The following AK9 variants were observed in gnomAD, a reference collection of about 807,000 sequenced individuals.
AK9 encodes adenylate kinase domain containing 1.
In AK9, 191 loss-of-function variants were observed where a neutral mutation model predicts 239.6. The observed-to-expected ratio is 0.80, with a 90% CI of 0.71 to 0.90. The LOEUF (loss-of-function observed/expected upper bound fraction) is 0.90. Ranked by LOEUF, AK9 falls within the 40% of genes least tolerant of loss-of-function variation. AK9 has a pLI of 0.00. For synonymous variants in AK9, 689 were observed against 721.0 expected (o/e 0.96, Z 0.71); for missense variants, 1,995 against 2,214.7 (o/e 0.90, Z 1.99).
intron 35 of AK9, among the ~76,000 whole-genome samples, chr6:109,502,315 A>T (rs931157982): frequency 3.9e-5 from 6 of 152,240 alleles, no homozygotes; most frequent in Non-Finnish European, 5.9e-5. Context: ...AAATAGGGTC[A>T]GAGAAATACA....
intron 21 of AK9, among the ~76,000 whole-genome samples, chr6:109,570,849 C>G (rs1248190885): frequency 6.6e-6 from 1 of 152,004 alleles, no homozygotes; most frequent in East Asian, 1.9e-4. Context: ...CAATGAATTC[C>G]CGGGTAAATC....
chr6:109,686,131 C>G (rs1376467309), intron 1 of AK9, among the ~76,000 whole-genome samples: 1 of 152,174 alleles, frequency 6.6e-6, no homozygotes, highest in Non-Finnish European at 1.5e-5. Context: ...CAGTCTTACC[C>G]AAGGACTCTC....
At chr6:109,579,768 T>A (rs908679350) in intron 19 of AK9, 142 bp from the exon 20 acceptor site, 31 of 713,340 alleles carry the variant, frequency 4.3e-5, no homozygotes, top group Admixed American at 2.3e-4. Flanking sequence ...AAATTACTCA[T>A]GTTGAGACTA....
At chr6:109,566,230 G>C (rs1786496187) in intron 21 of AK9, among the ~76,000 whole-genome samples, 1 of 152,224 alleles carries the variant, frequency 6.6e-6, no homozygotes. Flanking sequence ...TAAGTGAAAA[G>C]TACACGTGTG....
chr6:109,530,783 C>T (rs1403383909), intron 28 of AK9, among the ~76,000 whole-genome samples: 1 of 152,150 alleles, frequency 6.6e-6, no homozygotes, highest in African/African-American at 2.4e-5. Flanking sequence ...GTTTAACTCA[C>T]GTAATATCAC....
At chr6:109,665,466 C>G (rs966063932) in intron 5 of AK9, among the ~76,000 whole-genome samples, 54 of 151,992 alleles carry the variant, frequency 3.6e-4, no homozygotes, top group African/African-American at 1.3e-3. Flanking sequence ...CCTGCCTCTT[C>G]TTGTTGTTCT....
chr6:109,671,083 A>G (rs1770815009), intron 5 of AK9, among the ~76,000 whole-genome samples: 1 of 152,206 alleles, frequency 6.6e-6, no homozygotes, highest in African/African-American at 2.4e-5. Flanking sequence ...CTTTTTGTCT[A>G]TAGATAGAAA....
chr6:109,690,545 G>A (rs1774209868), intron 1 of AK9: 1 of 151,836 alleles, frequency 6.6e-6, no homozygotes, highest in South Asian at 2.1e-4. Context: ...GCGGTTGCCG[G>A]GGAGACCTCT....
intron 9 of AK9, among the ~76,000 whole-genome samples, chr6:109,641,903 T>C (rs762995674): frequency 6.6e-6 from 1 of 152,186 alleles, no homozygotes; most frequent in Non-Finnish European, 1.5e-5. Context: ...GTCACATTCA[T>C]AGGTATTGGA....
In AK9 at chr6:109,493,425, C is replaced by A. The variant is rs1180543268; in HGVS notation, c.5680G>T (p.Asp1894Tyr). ...KEPQFRAIDF[D>Y]HKLKTFLSLR... ...GAGAGAAAGGTCTTTAACTTATGAT[C>A]AAAGTCAATGGCTCTGAACTGAGGT... is the stretch of plus-strand genomic sequence containing the variant. Residue 1894 changes from aspartate to tyrosine, a missense_variant, in exon 41 of 41, where the codon GAT (aspartate) becomes TAT (tyrosine). By Grantham distance (160) the Asp-to-Tyr change is radical. Transcript: ENST00000424296. 6.2e-7 allele frequency: 1 copy of A among 1,614,134 alleles called. No individual in the cohort carries two copies. The highest frequency in any genetic ancestry group is 1.3e-5 in the African/African-American group (1 of 75,046).
At chr6:109,499,394 C>A (rs1777379157) in intron 35 of AK9, among the ~76,000 whole-genome samples, 154 bp from the exon 36 acceptor site, 1 of 152,142 alleles carries the variant, frequency 6.6e-6, no homozygotes, top group Admixed American at 6.5e-5. Context: ...CTATTCACAT[C>A]TCCATTGTTT....
At chr6:109,503,080 G>A (rs1289524944) in intron 35 of AK9, among the ~76,000 whole-genome samples, 2 of 151,798 alleles carry the variant, frequency 1.3e-5, no homozygotes, top group Non-Finnish European at 2.9e-5. Flanking sequence ...TGACACAGAT[G>A]AAAAGGCTAA....
chr6:109,626,533 A>C (rs1795546065), intron 12 of AK9, among the ~76,000 whole-genome samples: 1 of 152,194 alleles, frequency 6.6e-6, no homozygotes, highest in Non-Finnish European at 1.5e-5. Context: ...GAAATGTGTC[A>C]TAAGGTGATT....
intron 30 of AK9, 67 bp from the exon 31 acceptor site, chr6:109,516,142 C>A: frequency 7.7e-7 from 1 of 1,297,098 alleles, no homozygotes; most frequent in Non-Finnish European, 1.1e-6. Context: ...TTAGTCACAG[C>A]ATGTAGACAC....
chr6:109,493,291 T>A lies in AK9; in HGVS notation c.*78A>T. ...AAAAGTACTTCCAAGAGGCCCAGAT[T>A]TTCAATCTACTTCTCTCAGTTTCCC... On this transcript the variant is annotated 3_prime_UTR_variant, in exon 41 of 41. Transcript: ENST00000424296. The A allele has an allele frequency of 6.8e-7, 1 of 1,469,968 alleles. No homozygotes were observed. The highest frequency in any genetic ancestry group is 9.3e-7 in the Non-Finnish European group (1 of 1,074,968). The allele number at this position is 1,469,968 out of a possible 1,614,324, so 91.1% of individuals were successfully genotyped here.
intron 12 of AK9, among the ~76,000 whole-genome samples, chr6:109,622,520 A>G (rs1259219256): frequency 1.9e-5 from 1 of 54,014 alleles, no homozygotes; most frequent in Non-Finnish European, 2.7e-5. Flanking sequence ...ATAAATCAGG[A>G]TAATACAATA....
intron 10 of AK9, 37 bp from the exon 11 acceptor site, chr6:109,633,360 T>C: frequency 6.4e-7 from 1 of 1,568,250 alleles, no homozygotes; most frequent in Non-Finnish European, 8.6e-7. Flanking sequence ...AATATGGGCA[T>C]AAATTTTGCT....
At chr6:109,680,455 TG>T (rs1772448705) in intron 1 of AK9, among the ~76,000 whole-genome samples, 1 of 151,916 alleles carries the variant, frequency 6.6e-6, no homozygotes, top group African/African-American at 2.4e-5. Context: ...TGGGACTATG[TG>T]AAAAGACCAA....
At chr6:109,657,140 G>A (rs766663279) in intron 7 of AK9, among the ~76,000 whole-genome samples, 9 of 152,176 alleles carry the variant, frequency 5.9e-5, no homozygotes, top group Non-Finnish European at 1.2e-4. Context: ...ACGAGTAGGG[G>A]AAGAACATCA....
Sources: allele counts gnomAD v4.1 joint callset (sites outside exome capture counted in the v4.1 genomes callset), GRCh38; gene constraint gnomAD v4.1.1; transcripts MANE v1.5; gene names NCBI Gene and HGNC (gene_info 2026-07-23, HGNC 2026-07-21).